Variants in ABCA13 observed in about 807,000 individuals in gnomAD.
ABCA13 encodes the protein ATP binding cassette subfamily A member 13.
In ABCA13, 476 loss-of-function variants were observed where a neutral mutation model predicts 478.7. The observed-to-expected ratio is 0.99, with a 90% CI of 0.92 to 1.07. The LOEUF is 1.07. Among genes scored for constraint, ABCA13 ranks in the 50% least tolerant of loss-of-function variants. The pLI, the probability that ABCA13 is intolerant of heterozygous loss-of-function variation, is 0.00. For synonymous variants in ABCA13, 2,252 were observed against 2,158.9 expected (o/e 1.04, Z -1.20); for missense variants, 6,060 against 5,910.6 (o/e 1.03, Z -0.83).
intron 55 of ABCA13, among the ~76,000 whole-genome samples, chr7:48,573,192 T>C (rs1310869441): frequency 2.0e-5 from 3 of 152,132 alleles, no homozygotes; most frequent in African/African-American, 4.8e-5. Context: ...TTTATTTGAT[T>C]TTTTAAACAG....
intron 6 of ABCA13, among the ~76,000 whole-genome samples, chr7:48,227,673 A>G (rs1788433178): frequency 6.6e-6 from 1 of 152,168 alleles, no homozygotes; most frequent in South Asian, 2.1e-4. Context: ...GCCATATTTT[A>G]ATATTTTGTA....
At chr7:48,455,459 G>C (rs1447046015) in intron 43 of ABCA13, among the ~76,000 whole-genome samples, 173 bp downstream of exon 43, 1 of 152,178 alleles carries the variant, frequency 6.6e-6, no homozygotes, top group Non-Finnish European at 1.5e-5. Context: ...CTCCTCTCAG[G>C]CTGTCTCAGG....
intron 48 of ABCA13, among the ~76,000 whole-genome samples, chr7:48,500,614 G>A (rs1830657118): frequency 6.6e-6 from 1 of 152,150 alleles, no homozygotes; most frequent in Admixed American, 6.5e-5. Flanking sequence ...AACATCTAAT[G>A]TAGTGATTGA....
chr7:48,534,470 G>A (rs1357639668), intron 55 of ABCA13, among the ~76,000 whole-genome samples: 3 of 152,074 alleles, frequency 2.0e-5, no homozygotes, highest in Admixed American at 6.5e-5. Flanking sequence ...GGTTTTGAGG[G>A]TTCCTTAAAA....
At chr7:48,222,610 A>G (rs977456531) in intron 5 of ABCA13, among the ~76,000 whole-genome samples, 2 of 152,190 alleles carry the variant, frequency 1.3e-5, no homozygotes, top group Non-Finnish European at 2.9e-5. Context: ...GAAAATGAGT[A>G]TGTTATTAGA....
At chr7:48,609,306 A>G (rs1043246855) in intron 58 of ABCA13, among the ~76,000 whole-genome samples, 7 of 152,158 alleles carry the variant, frequency 4.6e-5, no homozygotes, top group African/African-American at 1.7e-4. Flanking sequence ...GTTTCACATT[A>G]AATATATATA....
At chr7:48,623,486 T>A (rs2131602050) in intron 59 of ABCA13, among the ~76,000 whole-genome samples, 1 of 152,300 alleles carries the variant, frequency 6.6e-6, no homozygotes, top group East Asian at 1.9e-4. Flanking sequence ...TCAAGAGCAG[T>A]TAATAACAGA....
intron 3 of ABCA13, among the ~76,000 whole-genome samples, chr7:48,218,811 A>G (rs1416571330): frequency 6.6e-6 from 1 of 152,214 alleles, no homozygotes. Flanking sequence ...ATTAAGTGAT[A>G]ATATTTGTGG....
At chr7:48,369,893 A>G (rs1297727503) in intron 32 of ABCA13, among the ~76,000 whole-genome samples, 1 of 151,804 alleles carries the variant, frequency 6.6e-6, no homozygotes, top group Non-Finnish European at 1.5e-5. Flanking sequence ...TTGGTTCCAT[A>G]TGAATTTTAG....
intron 27 of ABCA13, among the ~76,000 whole-genome samples, chr7:48,333,748 G>A (rs1230107344): frequency 6.6e-6 from 1 of 152,204 alleles, no homozygotes; most frequent in Non-Finnish European, 1.5e-5. Context: ...CTGCCTCCAT[G>A]TTGGGGAGAT....
intron 34 of ABCA13, among the ~76,000 whole-genome samples, chr7:48,375,556 C>A (rs865784219): frequency 7.9e-5 from 12 of 151,988 alleles, no homozygotes; most frequent in Middle Eastern, 6.8e-3. Flanking sequence ...GAGAATTTGA[C>A]AACTAAAATT....
chr7:48,468,069 C>T (rs563921773), intron 44 of ABCA13, among the ~76,000 whole-genome samples: 13 of 152,166 alleles, frequency 8.5e-5, no homozygotes, highest in African/African-American at 2.6e-4. Flanking sequence ...TAACCTAGGG[C>T]CCCATGGGGT....
intron 59 of ABCA13, among the ~76,000 whole-genome samples, chr7:48,624,383 A>G (rs1312793299): frequency 6.6e-6 from 1 of 152,118 alleles, no homozygotes; most frequent in Admixed American, 6.6e-5. Context: ...TGATTGACAT[A>G]GGAGGCTTAA....
At chr7:48,411,007 C>A in intron 40 of ABCA13, among the ~76,000 whole-genome samples, 1 of 111,656 alleles carries the variant, frequency 9.0e-6, no homozygotes, top group African/African-American at 3.2e-5. Context: ...TTCTTTCTTT[C>A]TTTCTTTCTT....
chr7:48,487,490 T>G, intron 47 of ABCA13, among the ~76,000 whole-genome samples: 1 of 152,092 alleles, frequency 6.6e-6, no homozygotes, highest in East Asian at 1.9e-4. Context: ...TTTAAGTTTT[T>G]TTTTTAATCA....
intron 42 of ABCA13, among the ~76,000 whole-genome samples, chr7:48,431,672 C>T (rs768604838): frequency 2.6e-5 from 4 of 152,058 alleles, no homozygotes; most frequent in South Asian, 2.1e-4. Context: ...TATGTCTTTG[C>T]GGGCTCTGTT....
intron 8 of ABCA13, among the ~76,000 whole-genome samples, chr7:48,234,855 G>C (rs1197889694): frequency 6.6e-6 from 1 of 152,204 alleles, no homozygotes; most frequent in Non-Finnish European, 1.5e-5. Flanking sequence ...CAGCTCCTAG[G>C]TCAGTGTTGA....
chr7:48,539,260 T>TA (rs11373799), intron 55 of ABCA13, among the ~76,000 whole-genome samples: 21,162 of 151,438 alleles, frequency 0.14, 1,858 homozygotes, highest in African/African-American at 0.23. Context: ...TGTGTAAAAA[T>TA]AATAAATATT....
At position 48,591,172 on chromosome 7, in the gene ABCA13, C is replaced by T. The variant is rs148433893; in HGVS notation, c.14641-3538C>T. Among the ~76,000 whole-genome samples, 174 of 151,484 alleles carry T rather than the reference C, an allele frequency of 1.1e-3. 1 individual carries two copies. Among genetic ancestry groups the T allele is most frequent in the African/African-American group, 4.1e-3 (168 of 41,318 alleles). ...TTTGTGTATGGTGTAAGATAAGGAC[C>T]GAGTTTTAATTTTTTGTATGTAGAT... On this transcript the variant is annotated intron_variant, in intron 57 of 61. Transcript: ENST00000435803.
Sources: allele counts gnomAD v4.1 joint callset (sites outside exome capture counted in the v4.1 genomes callset), GRCh38; gene constraint gnomAD v4.1.1; transcripts MANE v1.5; gene names NCBI Gene and HGNC (gene_info 2026-07-23, HGNC 2026-07-21).